The following SLC25A33 variants were observed in gnomAD, a reference collection of about 807,000 sequenced individuals.
The protein encoded by SLC25A33 is solute carrier family 25 member 33.
A neutral mutation model predicts 35.5 loss-of-function variants in SLC25A33; 15 were observed. That is an observed-to-expected ratio of 0.42 (90% CI 0.28 to 0.65). The LOEUF (loss-of-function observed/expected upper bound fraction) is 0.65. Ranked by LOEUF, SLC25A33 falls within the 30% of genes least tolerant of loss-of-function variation. The pLI, the probability that SLC25A33 is intolerant of heterozygous loss-of-function variation, is 0.20. For missense variants in SLC25A33, 257 were observed against 398.5 expected (o/e 0.64, Z 3.02); for synonymous variants, 136 against 148.7 (o/e 0.91, Z 0.62).
intron 1 of SLC25A33, among the ~76,000 whole-genome samples, chr1:9,551,094 T>A (rs1241097159): frequency 6.6e-6 from 1 of 151,902 alleles, no homozygotes; most frequent in African/African-American, 2.4e-5. Context: ...TGATTAAAAA[T>A]AAAAATAGGC....
intron 2 of SLC25A33, among the ~76,000 whole-genome samples, chr1:9,555,606 G>A (rs1161856982): frequency 1.3e-5 from 2 of 152,190 alleles, no homozygotes; most frequent in African/African-American, 4.8e-5. Context: ...CCAGGGACAA[G>A]TGAGAGCATC....
intron 1 of SLC25A33, among the ~76,000 whole-genome samples, chr1:9,545,205 GTTTT>G (rs905579364): frequency 6.6e-6 from 1 of 151,672 alleles, no homozygotes; most frequent in Non-Finnish European, 1.5e-5. Context: ...GTTTTTGGTG[GTTTT>G]TTTTGTTTTG....
rs550070518 is a variant in SLC25A33 at position 9,566,785 on chromosome 1, G to T, written c.237-499G>T. Among the ~76,000 whole-genome samples the T allele has an allele frequency of 7.5e-4, 114 of 152,248 alleles. 1 individual carries two copies. Among genetic ancestry groups the T allele is most frequent in the African/African-American group, 2.6e-3 (108 of 41,558 alleles). ...CGCTTCAACCTGGGGGGCGGAAGTTGCAGTGAGCCGAGATCACGCCATTGC... is the reference window on the plus strand; with the variant it reads ...CGCTTCAACCTGGGGGGCGGAAGTTTCAGTGAGCCGAGATCACGCCATTGC... On this transcript the variant is annotated intron_variant, in intron 2 of 6. Coordinates refer to ENST00000302692, the MANE Select transcript of SLC25A33 (RefSeq NM_032315.3).
chr1:9,539,950 G>C (rs951397071), intron 1 of SLC25A33, among the ~76,000 whole-genome samples: 1 of 152,106 alleles, frequency 6.6e-6, no homozygotes. Context: ...CCTACGTCCT[G>C]ACCGCAGCCC....
intron 2 of SLC25A33, among the ~76,000 whole-genome samples, chr1:9,559,701 G>A (rs920380887): frequency 3.3e-5 from 5 of 152,200 alleles, no homozygotes; most frequent in Non-Finnish European, 5.9e-5. Flanking sequence ...GAAGCTTTAG[G>A]GGGGCTTAAC....
In SLC25A33 at chr1:9,582,270, G is replaced by A; in HGVS notation, c.764-29G>A. On this transcript the variant is annotated intron_variant, in intron 6 of 6. Coordinates refer to ENST00000302692, the MANE Select transcript of SLC25A33 (RefSeq NM_032315.3). This position sits in a 1 kb window ranked among gnomAD's most constrained non-coding sequence, Gnocchi z 4.0. ...GGATTCGTTCCCCATTTAATATGTGGCGTAAAGTAGGTCTTTCTCTCTCTG... is the reference window on the plus strand; with the variant it reads ...GGATTCGTTCCCCATTTAATATGTGACGTAAAGTAGGTCTTTCTCTCTCTG... 6.2e-7 allele frequency: 1 copy of A among 1,610,772 alleles called. No homozygotes were observed. Among genetic ancestry groups the A allele is most frequent in the East Asian group, 2.2e-5 (1 of 44,874 alleles).
chr1:9,576,695 C>T (rs896765255), intron 5 of SLC25A33: 20 of 670,038 alleles, frequency 3.0e-5, no homozygotes, highest in African/African-American at 2.5e-4. Context: ...ATGAGGTCTG[C>T]GTATGCTCAC....
At chr1:9,575,809 C>G (rs749924196) in intron 5 of SLC25A33, among the ~76,000 whole-genome samples, 10 of 152,156 alleles carry the variant, frequency 6.6e-5, no homozygotes, top group Non-Finnish European at 1.5e-4. Context: ...TTGAACAGAC[C>G]ACTTGTTCAG....
intron 1 of SLC25A33, among the ~76,000 whole-genome samples, chr1:9,547,779 G>A (rs1643202288): frequency 6.6e-6 from 1 of 151,874 alleles, no homozygotes; most frequent in Admixed American, 6.6e-5. Flanking sequence ...GAGAACTACT[G>A]GTTTAGAATA....
chr1:9,575,881 C>T (rs933738346), intron 5 of SLC25A33, among the ~76,000 whole-genome samples: 1 of 152,136 alleles, frequency 6.6e-6, no homozygotes, highest in Non-Finnish European at 1.5e-5. Flanking sequence ...CTGTAGTTTT[C>T]CAAAAATGTC....
intron 1 of SLC25A33, among the ~76,000 whole-genome samples, chr1:9,546,129 C>G (rs936908177): frequency 6.7e-6 from 1 of 148,250 alleles, no homozygotes; most frequent in Non-Finnish European, 1.5e-5. Flanking sequence ...CCACTGGATT[C>G]AAATCCTTCA....
chr1:9,545,075 G>C (rs913200220), intron 1 of SLC25A33, among the ~76,000 whole-genome samples: 1 of 152,250 alleles, frequency 6.6e-6, no homozygotes, highest in African/African-American at 2.4e-5. Context: ...AATTAAACTA[G>C]GGAGGCATGG....
rs1643695321 is a variant in SLC25A33, at chr1:9,578,561, A to G, written c.483-1393A>G. Among the ~76,000 whole-genome samples, 2 of 152,214 alleles carry G rather than the reference A, an allele frequency of 1.3e-5. No homozygotes were observed. Among genetic ancestry groups the G allele is most frequent in the Admixed American group, 6.5e-5 (1 of 15,290 alleles). On this transcript the variant is annotated intron_variant, in intron 5 of 6. Transcript: ENST00000302692. This position sits in a 1 kb window ranked among gnomAD's most constrained non-coding sequence, Gnocchi z 4.3. ...TATAAATTTAGCAATAATAGAATCT[A>G]TTTGGAGACGAGTGTGATCAGAAAT... is the stretch of plus-strand genomic sequence containing the variant.
chr1:9,580,260 AGCAGTAAAACAGCTGT>A (rs1643721935), intron 6 of SLC25A33, 26 bp downstream of exon 6: 1 of 1,604,898 alleles, frequency 6.2e-7, no homozygotes, highest in Admixed American at 1.7e-5. Context: ...GTTCTTCCAG[AGCAGTAAAACAGCTGT>A]CACGTTTGTT....
At chr1:9,556,822 A>G (rs1308004324) in intron 2 of SLC25A33, among the ~76,000 whole-genome samples, 2 of 152,210 alleles carry the variant, frequency 1.3e-5, no homozygotes, top group African/African-American at 4.8e-5. Context: ...AACAACTTCC[A>G]CACCACACAA....
chr1:9,540,570 T>C (rs988564707), intron 1 of SLC25A33, among the ~76,000 whole-genome samples: 1 of 152,094 alleles, frequency 6.6e-6, no homozygotes, highest in African/African-American at 2.4e-5. Context: ...TTTTGAGTAT[T>C]AGTAATTTTC....
At chr1:9,556,293 C>T in intron 2 of SLC25A33, 1 of 963,352 alleles carries the variant, frequency 1.0e-6, no homozygotes, top group Non-Finnish European at 1.2e-6. Flanking sequence ...AATGAATTTC[C>T]TCTTGCCAAA....
intron 5 of SLC25A33, among the ~76,000 whole-genome samples, chr1:9,573,935 C>G (rs556470817): frequency 6.6e-6 from 1 of 152,006 alleles, no homozygotes; most frequent in Admixed American, 6.6e-5. Context: ...CCTGCAGGCC[C>G]TTTTTAGAAT....
At chr1:9,546,016 C>G (rs536398571) in intron 1 of SLC25A33, among the ~76,000 whole-genome samples, 19 of 151,686 alleles carry the variant, frequency 1.3e-4, no homozygotes, top group Admixed American at 1.1e-3. Flanking sequence ...AGAAAAAATT[C>G]AATTAGTAGT....
Sources: allele counts gnomAD v4.1 joint callset (sites outside exome capture counted in the v4.1 genomes callset), GRCh38; gene constraint gnomAD v4.1.1; non-coding constraint Gnocchi (gnomAD v3.1); transcripts MANE v1.5; gene names NCBI Gene and HGNC (gene_info 2026-07-23, HGNC 2026-07-21).